Variants in THADA observed in about 807,000 individuals in gnomAD.
THADA encodes tRNA (32-2'-O)-methyltransferase regulator THADA.
In THADA, 213 loss-of-function variants were observed where a neutral mutation model predicts 219.8. The ratio of observed to expected loss-of-function variants is 0.97; its 90% CI spans 0.87 to 1.09. The LOEUF (loss-of-function observed/expected upper bound fraction) is 1.09, where lower values mean the gene tolerates loss of function less well. THADA is among the 50% of genes least tolerant of loss of function. THADA has a pLI of 0.00. For missense variants in THADA, 2,956 were observed against 2,311.3 expected, an observed-to-expected ratio of 1.28 and a Z score of -5.72; for synonymous variants, 1,018 against 828.9, an observed-to-expected ratio of 1.23 and a Z score of -3.92.
chr2:43,571,249 ATTTTTT>A (rs34717327), intron 13 of THADA, among the ~76,000 whole-genome samples: 1 of 123,208 alleles, frequency 8.1e-6, no homozygotes, highest in African/African-American at 3.1e-5. Context: ...GAGCAAGACT[ATTTTTT>A]TTTTTTTTTT....
intron 35 of THADA, among the ~76,000 whole-genome samples, chr2:43,281,703 C>T (rs1329769311): frequency 6.6e-6 from 1 of 152,158 alleles, no homozygotes; most frequent in African/African-American, 2.4e-5. Flanking sequence ...TCCCAAAGTG[C>T]TGGGATTACA....
chr2:43,417,867 C>A (rs1025443198), intron 28 of THADA, among the ~76,000 whole-genome samples: 1 of 152,224 alleles, frequency 6.6e-6, no homozygotes, highest in African/African-American at 2.4e-5. Flanking sequence ...CATTCCCCCC[C>A]TCTGTGGAAT....
chr2:43,281,527 C>T (rs999279411), intron 35 of THADA, among the ~76,000 whole-genome samples: 7 of 150,970 alleles, frequency 4.6e-5, no homozygotes, highest in Non-Finnish European at 4.4e-5. Flanking sequence ...CCGCAACCTC[C>T]ACCTCCCAGG....
chr2:43,566,273 C>A, intron 15 of THADA: 1 of 502,746 alleles, frequency 2.0e-6, no homozygotes. Flanking sequence ...CAGACTGAGG[C>A]ACATGAAACA....
At chr2:43,312,196 G>A (rs936327611) in intron 31 of THADA, among the ~76,000 whole-genome samples, 1 of 145,274 alleles carries the variant, frequency 6.9e-6, no homozygotes, top group Non-Finnish European at 1.5e-5. Context: ...TCCAGCCTGG[G>A]TGACAAAGCT....
At chr2:43,516,831 T>A (rs760453376) in intron 22 of THADA, among the ~76,000 whole-genome samples, 11 of 152,190 alleles carry the variant, frequency 7.2e-5, no homozygotes, top group Non-Finnish European at 1.5e-4. Context: ...TTTAAAGAGA[T>A]CTATCAGGTA....
chr2:43,522,872 G>C (rs2103696792), intron 22 of THADA, among the ~76,000 whole-genome samples: 1 of 152,166 alleles, frequency 6.6e-6, no homozygotes, highest in African/African-American at 2.4e-5. Flanking sequence ...CCCCAGGCAA[G>C]ATCGCGCCAC....
intron 29 of THADA, among the ~76,000 whole-genome samples, chr2:43,375,928 A>T (rs770526646): frequency 6.6e-6 from 1 of 152,236 alleles, no homozygotes; most frequent in Non-Finnish European, 1.5e-5. Flanking sequence ...AATTTCGTGA[A>T]ATCAGTGTCA....
Position 43,556,506 on chromosome 2 carries a change from G to GTGCTGAGATCCAA in THADA, c.2512_2513insTTGGATCTCAGCA (p.Thr838IlefsTer43). Reference sequence around the variant, plus strand: ...CACACAGTCGTATGGTTTGGTGCTTGTGCTGAGCTCCAATGCTGCCTGAAA... The same window carrying GTGCTGAGATCCAA: ...CACACAGTCGTATGGTTTGGTGCTTGTGCTGAGATCCAATGCTGAGCTCCAATGCTGCCTGAAA... On this transcript the variant is annotated frameshift_variant, in exon 17 of 38. Coordinates refer to ENST00000405975, the MANE Select transcript of THADA (RefSeq NM_022065.5). LOFTEE classifies it high-confidence loss of function. 6.2e-7 allele frequency: 1 copy of GTGCTGAGATCCAA among 1,613,918 alleles called. No individual in the cohort carries two copies. Among genetic ancestry groups the GTGCTGAGATCCAA allele is most frequent in the Non-Finnish European group, 8.5e-7 (1 of 1,179,836 alleles).
At chr2:43,514,916 T>G (rs1435644691) in intron 22 of THADA, among the ~76,000 whole-genome samples, 1 of 70,074 alleles carries the variant, frequency 1.4e-5, no homozygotes, top group Non-Finnish European at 2.4e-5. Context: ...ATATATTTTA[T>G]GTATAATATA....
intron 29 of THADA, among the ~76,000 whole-genome samples, chr2:43,363,429 T>C (rs1407131206): frequency 6.6e-6 from 1 of 152,208 alleles, no homozygotes; most frequent in East Asian, 1.9e-4. Flanking sequence ...CCGTAGTTAA[T>C]CCCAATCTTC....
intron 31 of THADA, among the ~76,000 whole-genome samples, chr2:43,296,661 A>C (rs1026967678): frequency 3.3e-5 from 5 of 152,148 alleles, no homozygotes; most frequent in Admixed American, 6.5e-5. Context: ...AATGTCTAAA[A>C]ACCGAATCTC....
At chr2:43,321,625 T>G (rs1021375092) in intron 30 of THADA, among the ~76,000 whole-genome samples, 1 of 152,316 alleles carries the variant, frequency 6.6e-6, no homozygotes, top group East Asian at 1.9e-4. Context: ...CCTTCAGCCT[T>G]CCACCATGGG....
At chr2:43,281,911 A>C (rs2104320588) in intron 35 of THADA, among the ~76,000 whole-genome samples, 1 of 152,314 alleles carries the variant, frequency 6.6e-6, no homozygotes, top group Middle Eastern at 3.4e-3. Flanking sequence ...CTGGAACTAC[A>C]GGTGTACACC....
chr2:43,466,416 A>G (rs76554394), intron 26 of THADA, among the ~76,000 whole-genome samples: 3,964 of 152,198 alleles, frequency 0.026, 189 homozygotes, highest in African/African-American at 0.09. Flanking sequence ...TCTTACAGGA[A>G]GTTTTGCCTA....
intron 30 of THADA, among the ~76,000 whole-genome samples, chr2:43,334,976 A>T (rs1666240972): frequency 6.6e-6 from 1 of 152,098 alleles, no homozygotes; most frequent in African/African-American, 2.4e-5. Flanking sequence ...CTGTAGCTCC[A>T]AGCTCAGCCA....
intron 7 of THADA, among the ~76,000 whole-genome samples, chr2:43,582,269 G>A (rs374374954): frequency 6.6e-6 from 1 of 152,120 alleles, no homozygotes; most frequent in Admixed American, 6.5e-5. Context: ...GGCCGAGACA[G>A]GTAGATCATT....
In THADA at chr2:43,577,254, T is replaced by C. The variant is rs1356336341; in HGVS notation, c.817-12A>G. The C allele has an allele frequency of 9.6e-6, 15 of 1,562,692 alleles. No homozygotes were observed. The highest frequency in any genetic ancestry group is 1.3e-5 in the Non-Finnish European group (15 of 1,151,738). ...AGCACACTGCTAATCTGGAAAAATA[T>C]AGCAGAGCTAACACACATAAAGCTT... On this transcript the variant is annotated splice_polypyrimidine_tract_variant and intron_variant, in intron 9 of 37. Coordinates refer to ENST00000405975, the MANE Select transcript of THADA (RefSeq NM_022065.5).
intron 37 of THADA, among the ~76,000 whole-genome samples, 194 bp from the exon 38 acceptor site, chr2:43,231,537 C>A (rs1667418483): frequency 6.6e-6 from 1 of 152,212 alleles, no homozygotes; most frequent in Non-Finnish European, 1.5e-5. Flanking sequence ...TTTTCACTCA[C>A]TGTATTTCTC....
Sources: allele counts gnomAD v4.1 joint callset (sites outside exome capture counted in the v4.1 genomes callset), GRCh38; gene constraint gnomAD v4.1.1; transcripts MANE v1.5; gene names NCBI Gene and HGNC (gene_info 2026-07-23, HGNC 2026-07-21).